Variants in VWC2 observed in about 807,000 individuals in gnomAD.
VWC2 encodes von Willebrand factor C domain containing 2, also known as brorin.
A neutral mutation model predicts 29.8 loss-of-function variants in VWC2; 14 were observed. That is an observed-to-expected ratio of 0.47 (90% CI 0.31 to 0.74). VWC2 has a LOEUF of 0.74. VWC2 is among the 30% of genes least tolerant of loss of function. The probability of loss-of-function intolerance (pLI) is 0.05; values close to 1 mark genes in which losing one functional copy is unlikely to be tolerated. For missense variants in VWC2, 457 were observed against 459.8 expected (o/e 0.99, Z 0.05); for synonymous variants, 213 against 199.0 (o/e 1.07, Z -0.59).
intron 3 of VWC2, among the ~76,000 whole-genome samples, chr7:49,861,097 C>T (rs570646255): frequency 1.3e-5 from 2 of 152,312 alleles, no homozygotes; most frequent in East Asian, 3.9e-4. Context: ...TTTTACATTC[C>T]CACCAGCAAT....
chr7:49,867,994 T>C (rs1183004584), intron 3 of VWC2, among the ~76,000 whole-genome samples: 1 of 152,048 alleles, frequency 6.6e-6, no homozygotes, highest in Non-Finnish European at 1.5e-5. Flanking sequence ...CCACTATACC[T>C]GACTAATTTT....
Position 49,775,622 on chromosome 7 carries a change from G to T in VWC2, c.187G>T (p.Gly63Trp). 1 of 1,530,402 alleles carries T rather than the reference G, an allele frequency of 6.5e-7. No individual in the cohort carries two copies. The allele number at this position is 1,530,402 out of a possible 1,614,324, so 94.8% of individuals were successfully genotyped here. A position where few individuals can be genotyped will look rare whatever the true frequency, so the allele number is the denominator to read the frequency against. Residue 63 changes from glycine to tryptophan, a missense_variant, in exon 2 of 4, where the codon GGG becomes TGG. Physicochemically the swap from Gly to Trp is radical, Grantham distance 184. This residue lies in a region of VWC2 where 272 missense variants were observed against 202.7 expected (regional missense o/e 1.34). Transcript: ENST00000340652. ...CGGCCCGGGGCGGGTGAACGAGCTC[G>T]GGCGCCCGGCGAGGGACGAGGGCGG... ...RDGPGRVNELGRPARDEGGSG... is the reference protein window; with the variant it reads ...RDGPGRVNELWRPARDEGGSG...
chr7:49,915,918 C>G lies in VWC2; in HGVS notation c.*3733C>G, dbSNP rs938171029. ...CTGTCTTACTGAACCTACTTACCTA[C>G]TATATTTTTTTTCCTCACTAGTAGC... On this transcript the variant is annotated 3_prime_UTR_variant, in exon 4 of 4. Coordinates refer to ENST00000340652, the MANE Select transcript of VWC2 (RefSeq NM_198570.5). 6.6e-6 allele frequency: 1 copy of G among 152,156 alleles called. No individual in the cohort carries two copies. Among genetic ancestry groups the G allele is most frequent in the Non-Finnish European group, 1.5e-5 (1 of 68,024 alleles). The allele number at this position is 152,156 out of a possible 1,614,324, so 9.4% of individuals were successfully genotyped here.
At chr7:49,831,637 T>C (rs908777525) in intron 3 of VWC2, among the ~76,000 whole-genome samples, 1 of 152,162 alleles carries the variant, frequency 6.6e-6, no homozygotes, top group Non-Finnish European at 1.5e-5. Context: ...TTCCAGGTAC[T>C]GGAGGTGGGA....
intron 3 of VWC2, among the ~76,000 whole-genome samples, chr7:49,851,006 G>A (rs1156455096): frequency 6.6e-6 from 1 of 152,148 alleles, no homozygotes; most frequent in Non-Finnish European, 1.5e-5. Flanking sequence ...CAGTTTACTC[G>A]TCCGCAATTC....
At chr7:49,895,990 G>C (rs1289695985) in intron 3 of VWC2, among the ~76,000 whole-genome samples, 2 of 152,018 alleles carry the variant, frequency 1.3e-5, no homozygotes, top group Non-Finnish European at 2.9e-5. Flanking sequence ...ATTTTCCCAA[G>C]ATTCTTAGTA....
At chr7:49,889,800 C>T (rs1477037698) in intron 3 of VWC2, among the ~76,000 whole-genome samples, 1 of 152,092 alleles carries the variant, frequency 6.6e-6, no homozygotes, top group Admixed American at 6.6e-5. Context: ...TTCAAATAGT[C>T]CAAGTTGGTC....
intron 2 of VWC2, 54 bp from the exon 3 acceptor site, chr7:49,802,657 T>C: frequency 2.5e-6 from 4 of 1,610,284 alleles, no homozygotes; most frequent in Non-Finnish European, 3.4e-6. Context: ...TATATGACCC[T>C]GTAGGATAAA....
chr7:49,902,288 A>C (rs1025749735), intron 3 of VWC2, among the ~76,000 whole-genome samples: 1 of 152,026 alleles, frequency 6.6e-6, no homozygotes, highest in African/African-American at 2.4e-5. Flanking sequence ...AAGACATAAA[A>C]AAAACTGTTG....
chr7:49,894,825 C>T (rs1243378743), intron 3 of VWC2, among the ~76,000 whole-genome samples: 1 of 152,218 alleles, frequency 6.6e-6, no homozygotes, highest in African/African-American at 2.4e-5. Flanking sequence ...GCCTTATCAT[C>T]TGTTCAGCGC....
chr7:49,847,351 A>G (rs1789981208), intron 3 of VWC2, among the ~76,000 whole-genome samples: 1 of 152,026 alleles, frequency 6.6e-6, no homozygotes, highest in South Asian at 2.1e-4. Flanking sequence ...AATTGGCATA[A>G]TAGTGTTATC....
chr7:49,853,109 C>T (rs1790261417), intron 3 of VWC2, among the ~76,000 whole-genome samples: 1 of 152,234 alleles, frequency 6.6e-6, no homozygotes, highest in African/African-American at 2.4e-5. Flanking sequence ...AGGCAGGCTC[C>T]CAGGCTATGG....
At chr7:49,775,261 C>T (rs1229805148) in intron 1 of VWC2, 72 bp from the exon 2 acceptor site, 2 of 313,960 alleles carry the variant, frequency 6.4e-6, no homozygotes, top group Non-Finnish European at 1.1e-5. Context: ...TGCCGGAGCC[C>T]GGGTGGGGGC....
intron 3 of VWC2, among the ~76,000 whole-genome samples, chr7:49,861,042 T>C (rs1790631979): frequency 6.6e-6 from 1 of 152,258 alleles, no homozygotes; most frequent in Admixed American, 6.5e-5. Context: ...AACTCTGTTT[T>C]AATGTTTTTA....
At chr7:49,833,358 GT>G (rs1789578811) in intron 3 of VWC2, among the ~76,000 whole-genome samples, 1 of 152,174 alleles carries the variant, frequency 6.6e-6, no homozygotes, top group Admixed American at 6.5e-5. Flanking sequence ...GAATGTGGAA[GT>G]GATAATGAGC....
intron 3 of VWC2, among the ~76,000 whole-genome samples, chr7:49,903,517 T>TA (rs1792891534): frequency 6.6e-6 from 1 of 152,192 alleles, no homozygotes; most frequent in East Asian, 1.9e-4. Context: ...TGATTCCACT[T>TA]ACGTAGTATT....
chr7:49,852,665 G>GC (rs1790228226), intron 3 of VWC2, among the ~76,000 whole-genome samples: 2 of 151,808 alleles, frequency 1.3e-5, no homozygotes, highest in South Asian at 4.2e-4. Context: ...TTCAGAAAGA[G>GC]CCCTACCACC....
chr7:49,801,418 T>G (rs959403819), intron 2 of VWC2, among the ~76,000 whole-genome samples: 2 of 152,216 alleles, frequency 1.3e-5, no homozygotes, highest in African/African-American at 4.8e-5. Flanking sequence ...GGTCTGCATA[T>G]GCTCTTCCTG....
At chr7:49,843,711 G>A (rs1238369493) in intron 3 of VWC2, among the ~76,000 whole-genome samples, 1 of 152,208 alleles carries the variant, frequency 6.6e-6, no homozygotes, top group Non-Finnish European at 1.5e-5. Flanking sequence ...AGGTCTATTA[G>A]AGACAAGGTC....
Sources: allele counts gnomAD v4.1 joint callset (sites outside exome capture counted in the v4.1 genomes callset), GRCh38; gene constraint gnomAD v4.1.1; regional missense constraint gnomAD v4.1.1; transcripts MANE v1.5; gene names NCBI Gene and HGNC (gene_info 2026-07-23, HGNC 2026-07-21).